The following MNAT1 variants were observed in gnomAD, a reference collection of about 807,000 sequenced individuals.
MNAT1 encodes the protein CDK-activating kinase assembly factor MAT1.
In MNAT1, 43 loss-of-function variants were observed where a neutral mutation model predicts 42.0. The observed-to-expected ratio is 1.02, with a 90% CI of 0.80 to 1.32. The LOEUF (loss-of-function observed/expected upper bound fraction) is 1.32. Among genes scored for constraint, MNAT1 ranks in the 40% most tolerant of loss-of-function variants. The pLI, the probability that MNAT1 is intolerant of heterozygous loss-of-function variation, is 0.00. For missense variants in MNAT1, 306 were observed against 350.4 expected (o/e 0.87, Z 1.01); for synonymous variants, 118 against 120.0 (o/e 0.98, Z 0.11).
At chr14:60,805,929 G>A (rs932265639) in intron 3 of MNAT1, among the ~76,000 whole-genome samples, 2 of 152,118 alleles carry the variant, frequency 1.3e-5, no homozygotes, top group African/African-American at 4.8e-5. Flanking sequence ...GATAGAGTAT[G>A]TTTAGTTTTG....
At chr14:60,842,357 C>T (rs2033575275) in intron 6 of MNAT1, among the ~76,000 whole-genome samples, 1 of 152,170 alleles carries the variant, frequency 6.6e-6, no homozygotes, top group Non-Finnish European at 1.5e-5. Context: ...TCCCTGAAGT[C>T]TGATTTTCGT....
chr14:60,808,247 G>GTGGTATT, intron 3 of MNAT1, 78 bp from the exon 4 acceptor site: 1 of 817,202 alleles, frequency 1.2e-6, no homozygotes, highest in Admixed American at 3.3e-5. Context: ...ATGAGTCACT[G>GTGGTATT]TGGTATTTGT....
At chr14:60,909,581 A>G (rs1042825410) in intron 7 of MNAT1, among the ~76,000 whole-genome samples, 2 of 152,072 alleles carry the variant, frequency 1.3e-5, no homozygotes, top group African/African-American at 4.8e-5. Context: ...TAAATAGGGA[A>G]TCCTTTCCCC....
intron 7 of MNAT1, among the ~76,000 whole-genome samples, chr14:60,890,928 A>G (rs1313520385): frequency 6.6e-6 from 1 of 152,152 alleles, no homozygotes; most frequent in Non-Finnish European, 1.5e-5. Flanking sequence ...CCATCCAATC[A>G]AGTTGACATT....
rs139737007 is a variant in MNAT1 at position 60,839,183 on chromosome 14, C to T, written c.687+20336C>T. 7.0e-3 allele frequency among the ~76,000 whole-genome samples: 1,066 copies of T among 152,246 alleles called. 16 individuals are homozygous for T. Among genetic ancestry groups the T allele is most frequent in the African/African-American group, 0.024 (1,011 of 41,528 alleles). Reference sequence around the variant, plus strand: ...TGTCAGTTCTGAGTGGAATCAGCAGCCCCAGAGTGAGAACTTACTGTGCTC... The same window carrying T: ...TGTCAGTTCTGAGTGGAATCAGCAGTCCCAGAGTGAGAACTTACTGTGCTC... On this transcript the variant is annotated intron_variant, in intron 6 of 7. Coordinates refer to ENST00000261245, the MANE Select transcript of MNAT1 (RefSeq NM_002431.4).
intron 1 of MNAT1, among the ~76,000 whole-genome samples, chr14:60,780,805 A>G (rs951246997): frequency 2.0e-5 from 3 of 151,936 alleles, no homozygotes; most frequent in South Asian, 2.1e-4. Context: ...TTTATTGTGC[A>G]TTATTCAAAA....
At chr14:60,930,966 G>A (rs770464327) in intron 7 of MNAT1, among the ~76,000 whole-genome samples, 44 of 152,122 alleles carry the variant, frequency 2.9e-4, no homozygotes, top group Non-Finnish European at 4.4e-4. Context: ...TATGGAAGAC[G>A]TTTAAATAAT....
At position 60,734,941 on chromosome 14, in the gene MNAT1, G is replaced by A; in HGVS notation, c.79G>A (p.Gly27Arg). 1 of 1,614,156 alleles carries A rather than the reference G, an allele frequency of 6.2e-7. No individual in the cohort carries two copies. Among genetic ancestry groups the A allele is most frequent in the Non-Finnish European group, 8.5e-7 (1 of 1,179,998 alleles). ...CTTGAAGCTGATGGTGAATGTGTGCGGACACACTCTGTGAGTTGGGCGGCA... is the reference window on the plus strand; with the variant it reads ...CTTGAAGCTGATGGTGAATGTGTGCAGACACACTCTGTGAGTTGGGCGGCA... ...PSLKLMVNVC[G>R]HTLCESCVDL... Residue 27 changes from glycine to arginine, a missense_variant, in exon 1 of 8, where the codon GGA (glycine) becomes AGA (arginine). Gly to Arg is a moderately radical substitution (Grantham distance 125). This residue lies in a region of MNAT1 where 72 missense variants were observed against 111.0 expected (regional missense o/e 0.65). Transcript: ENST00000261245. This position sits in a 1 kb window ranked among gnomAD's most constrained non-coding sequence, Gnocchi z 4.3.
rs750917500 is a variant in MNAT1, at chr14:60,879,840, G to A, written c.809+5G>A. 2 of 1,610,360 alleles carry A rather than the reference G, an allele frequency of 1.2e-6. No individual in the cohort carries two copies. The highest frequency in any genetic ancestry group is 1.3e-5 in the African/African-American group (1 of 74,764). On this transcript the variant is annotated splice_donor_5th_base_variant and intron_variant, in intron 7 of 7. Transcript: ENST00000261245. The stretch of plus-strand genomic sequence containing the variant: ...TGAGATGCTAGGAAGACTTGGGTAT[G>A]TGTCCTAAAGAACTTTACATTGAGG...
At chr14:60,912,648 C>T (rs912999573) in intron 7 of MNAT1, among the ~76,000 whole-genome samples, 3 of 152,156 alleles carry the variant, frequency 2.0e-5, no homozygotes, top group African/African-American at 7.2e-5. Context: ...TGAATATTGG[C>T]CCCCACTGTC....
chr14:60,795,881 T>C lies in MNAT1; in HGVS notation c.90-336T>C, dbSNP rs747128043. Among the ~76,000 whole-genome samples, 3 of 152,294 alleles carry C rather than the reference T, an allele frequency of 2.0e-5. No individual in the cohort carries two copies. In the South Asian group the frequency reaches 6.2e-4, roughly 32 times the overall value. ...CTCTTGCCCAGGTCTATGGATGATA[T>C]TGGGACTGGGGATGGAGGTGACCAT... On this transcript the variant is annotated intron_variant, in intron 1 of 7. Transcript: ENST00000261245.
rs142941772 is a variant in MNAT1, at chr14:60,823,982, C to T, written c.687+5135C>T. Among the ~76,000 whole-genome samples, 136 of 151,796 alleles carry T rather than the reference C, an allele frequency of 9.0e-4. No homozygotes were observed. In the East Asian group the frequency reaches 0.018, roughly 20 times the overall value. On this transcript the variant is annotated intron_variant, in intron 6 of 7. Coordinates refer to ENST00000261245, the MANE Select transcript of MNAT1 (RefSeq NM_002431.4). ...GACCAGTGTGGCCAAGATGGTGAAA[C>T]CCTATCTGTACTAAAAATACAAAAA...
At chr14:60,795,154 C>A (rs1284250518) in intron 1 of MNAT1, among the ~76,000 whole-genome samples, 1 of 152,082 alleles carries the variant, frequency 6.6e-6, no homozygotes, top group Admixed American at 6.6e-5. Flanking sequence ...TCAAAACATT[C>A]GAATATTTAA....
rs2036727614 is a variant in MNAT1 at position 60,968,634 on chromosome 14, CAG to C, written c.*287_*288del. The C allele has an allele frequency of 1.3e-6, 1 of 744,124 alleles. No individual in the cohort carries two copies. The highest frequency in any genetic ancestry group is 3.2e-5 in the Admixed American group (1 of 30,962). The allele number at this position is 744,124 out of a possible 1,614,324, so 46.1% of individuals were successfully genotyped here. A position where few individuals can be genotyped will look rare whatever the true frequency, so the allele number is the denominator to read the frequency against. Reference sequence around the variant, plus strand: ...CACCTATATGTGTTTGAGGTTGTGACAGACTTATAAAATCTTTTTAAAAAATA... The same window carrying C: ...CACCTATATGTGTTTGAGGTTGTGACACTTATAAAATCTTTTTAAAAAATA... On this transcript the variant is annotated 3_prime_UTR_variant, in exon 8 of 8. Transcript: ENST00000261245.
intron 1 of MNAT1, among the ~76,000 whole-genome samples, chr14:60,751,707 CTT>C (rs1392745929): frequency 6.6e-6 from 1 of 151,340 alleles, no homozygotes; most frequent in African/African-American, 2.4e-5. Flanking sequence ...ATTTAACAGA[CTT>C]TATCAGAAAT....
chr14:60,947,560 A>G (rs759239739), intron 7 of MNAT1, among the ~76,000 whole-genome samples: 1 of 152,080 alleles, frequency 6.6e-6, no homozygotes, highest in Non-Finnish European at 1.5e-5. Context: ...ATGCGTGCCT[A>G]TAATCCTGGC....
intron 1 of MNAT1, among the ~76,000 whole-genome samples, chr14:60,763,743 C>G (rs566253105): frequency 1.3e-5 from 2 of 152,206 alleles, no homozygotes; most frequent in African/African-American, 4.8e-5. Context: ...CTACAATGAC[C>G]AGGAAGCAGT....
chr14:60,778,872 C>T (rs373135189), intron 1 of MNAT1, among the ~76,000 whole-genome samples: 2 of 152,228 alleles, frequency 1.3e-5, no homozygotes, highest in African/African-American at 2.4e-5. Flanking sequence ...AATATGTACA[C>T]GGGTTCAACA....
chr14:60,826,606 A>G (rs2033065009), intron 6 of MNAT1, among the ~76,000 whole-genome samples: 1 of 152,068 alleles, frequency 6.6e-6, no homozygotes, highest in Non-Finnish European at 1.5e-5. Flanking sequence ...GGCATGAGCC[A>G]CCGCACCCGG....
Sources: allele counts gnomAD v4.1 joint callset (sites outside exome capture counted in the v4.1 genomes callset), GRCh38; gene constraint gnomAD v4.1.1; regional missense constraint gnomAD v4.1.1; non-coding constraint Gnocchi (gnomAD v3.1); transcripts MANE v1.5; gene names NCBI Gene and HGNC (gene_info 2026-07-23, HGNC 2026-07-21).